The following BRAT1 variants were observed in gnomAD, a reference collection of about 807,000 sequenced individuals.
BRAT1 encodes BRCA1 associated ATM activator 1, also known as integrator complex assembly factor BRAT1.
BRAT1 carries 74 observed loss-of-function variants against 70.6 expected under a neutral mutation model. That is an observed-to-expected ratio of 1.05 (90% CI 0.87 to 1.27). The LOEUF is 1.27. Ranked by LOEUF, BRAT1 falls within the 50% of genes most tolerant of loss-of-function variation. BRAT1 has a pLI of 0.00. For missense variants in BRAT1, 1,203 were observed against 1,098.2 expected (o/e 1.10, Z -1.35); for synonymous variants, 615 against 517.1 (o/e 1.19, Z -2.57).
rs1263801761 is a variant in BRAT1 at position 2,543,293 on chromosome 7, G to A, written c.834C>T (p.Ser278=). ...RSPVFSSSDG[S]LWETVARALS... ...GAGCCCGCGCCACTGTCTCCCACAG[G>A]CTGCCGTCGGAAGAACTGAACACGG... The change falls in exon 6 of 14, where the codon AGC becomes AGT. Residue 278 remains serine (S), a synonymous_variant. Coordinates refer to ENST00000340611, the MANE Select transcript of BRAT1 (RefSeq NM_152743.4). The surrounding 1 kb of genome is among the most constrained non-coding windows in gnomAD (Gnocchi z 5.5). The A allele has an allele frequency of 1.2e-6, 2 of 1,608,710 alleles. No homozygotes were observed. The highest frequency in any genetic ancestry group is 3.4e-5 in the Admixed American group (2 of 59,376).
Position 2,552,808 on chromosome 7 carries a change from G to A in BRAT1, c.127+1497C>T, listed in dbSNP as rs867336514. Among the ~76,000 whole-genome samples the A allele has an allele frequency of 2.1e-4, 32 of 151,134 alleles. No homozygotes were observed. In the Middle Eastern group the frequency reaches 0.01, roughly 48 times the overall value. The stretch of plus-strand genomic sequence containing the variant: ...GGCTGCAGTGCAGTGGCGTGATCTC[G>A]GCTCACTGCAAGCTCTGCCTCCTGT... On this transcript the variant is annotated intron_variant, in intron 2 of 13. Coordinates refer to ENST00000340611, the MANE Select transcript of BRAT1 (RefSeq NM_152743.4).
intron 2 of BRAT1, among the ~76,000 whole-genome samples, chr7:2,547,839 G>A (rs568510297): frequency 3.9e-5 from 6 of 152,112 alleles, no homozygotes; most frequent in Admixed American, 1.3e-4. Context: ...ATCCCAACAC[G>A]TTAGGAGGCC....
chr7:2,546,217 G>T (rs1779597112), intron 3 of BRAT1, among the ~76,000 whole-genome samples: 1 of 152,170 alleles, frequency 6.6e-6, no homozygotes, highest in African/African-American at 2.4e-5. Flanking sequence ...GAGGCAGGAT[G>T]ATCGCTTGAG....
rs202073706 is a variant in BRAT1, at chr7:2,551,961, GA to G, written c.127+2343del. 5.7e-3 allele frequency among the ~76,000 whole-genome samples: 827 copies of G among 145,078 alleles called. 13 individuals carry two copies. Among genetic ancestry groups the G allele is most frequent in the African/African-American group, 0.019 (748 of 39,790 alleles). On this transcript the variant is annotated intron_variant, in intron 2 of 13. Coordinates refer to ENST00000340611, the MANE Select transcript of BRAT1 (RefSeq NM_152743.4). ...ATACTCTTTTAAGTAACTTGTGGGT[GA>G]AAAAAAAATTATAATGAAAAGCATA... is the stretch of plus-strand genomic sequence containing the variant.
At position 2,543,889 on chromosome 7, in the gene BRAT1, C is replaced by T. The variant is rs930233607; in HGVS notation, c.504G>A (p.Leu168=). 3 of 1,610,660 alleles carry T rather than the reference C, an allele frequency of 1.9e-6. No homozygotes were observed. The highest frequency in any genetic ancestry group is 2.7e-5 in the African/African-American group (2 of 74,868). The stretch of plus-strand genomic sequence containing the variant: ...GCATGGACAAAGCCAGGACGTGCAC[C>T]AGGAGCTGACTGGCCGCCGAGGCCA... ...LFVASAASQL[L]VHVLALSMRG... Residue 168 remains leucine, a synonymous_variant, in exon 5 of 14, where the codon CTG becomes CTA. Coordinates refer to ENST00000340611, the MANE Select transcript of BRAT1 (RefSeq NM_152743.4). This position sits in a 1 kb window ranked among gnomAD's most constrained non-coding sequence, Gnocchi z 5.5.
intron 4 of BRAT1, among the ~76,000 whole-genome samples, chr7:2,544,697 G>A (rs1246681193): frequency 1.3e-5 from 2 of 152,180 alleles, no homozygotes; most frequent in Non-Finnish European, 1.5e-5. Flanking sequence ...AGTCCTCACG[G>A]CTGATCTGTA....
At position 2,541,710 on chromosome 7, in the gene BRAT1, G is replaced by A. The variant is rs369079026; in HGVS notation, c.1134+8C>T. The A allele has an allele frequency of 4.5e-5, 72 of 1,602,772 alleles. No homozygotes were observed. The highest frequency in any genetic ancestry group is 1.5e-4 in the Admixed American group (9 of 58,504). On this transcript the variant is annotated splice_region_variant and intron_variant, in intron 8 of 13. Coordinates refer to ENST00000340611, the MANE Select transcript of BRAT1 (RefSeq NM_152743.4). ...TGCTGGGCTGCATGAGGACCGGGCC[G>A]CACCTACCAGCGGCTGCAGCTCCTC... is the stretch of plus-strand genomic sequence containing the variant.
rs1235750968 is a variant in BRAT1 at position 2,543,358 on chromosome 7, C to G, written c.804-35G>C. ...GACCCCAGAGAGAAAAATTACTCCC[C>G]CACCCTCAAAACCCCATTCGAGGCC... On this transcript the variant is annotated intron_variant, in intron 5 of 13. Coordinates refer to ENST00000340611, the MANE Select transcript of BRAT1 (RefSeq NM_152743.4). This position sits in a 1 kb window ranked among gnomAD's most constrained non-coding sequence, Gnocchi z 5.5. 1.9e-6 allele frequency: 3 copies of G among 1,549,444 alleles called. No homozygotes were observed. Among genetic ancestry groups the G allele is most frequent in the Non-Finnish European group, 2.6e-6 (3 of 1,146,936 alleles).
chr7:2,545,304 C>T (rs1197677658), intron 3 of BRAT1, among the ~76,000 whole-genome samples: 1 of 132,236 alleles, frequency 7.6e-6, no homozygotes, highest in Non-Finnish European at 1.5e-5. Context: ...GCGAAGGTTG[C>T]AGTGAGCCAA....
Position 2,541,557 on chromosome 7 carries a change from G to A in BRAT1, c.1135-73C>T, listed in dbSNP as rs946667610. The stretch of plus-strand genomic sequence containing the variant: ...GTGGATGCAGGGGTGCTGGGACTTC[G>A]AGGCATGTGGGGCGGGGGACATCAG... On this transcript the variant is annotated intron_variant, in intron 8 of 13. Transcript: ENST00000340611. 29 of 1,479,794 alleles carry A rather than the reference G, an allele frequency of 2.0e-5. No individual in the cohort carries two copies. In the South Asian group the frequency reaches 3.3e-4, roughly 17 times the overall value. 91.7% of individuals were successfully genotyped at this position (1,479,794 alleles called of 1,614,324 possible). A position where few individuals can be genotyped will look rare whatever the true frequency, so the allele number is the denominator to read the frequency against.
chr7:2,547,253 C>A, intron 3 of BRAT1, 71 bp downstream of exon 3: 1 of 1,571,540 alleles, frequency 6.4e-7, no homozygotes, highest in Non-Finnish European at 8.7e-7. Context: ...TACAAATGCC[C>A]CACCTGGCTG....
At chr7:2,546,566 C>T (rs891769913) in intron 3 of BRAT1, among the ~76,000 whole-genome samples, 15 of 152,088 alleles carry the variant, frequency 9.9e-5, no homozygotes, top group African/African-American at 3.6e-4. Context: ...GAAATCCTGT[C>T]TCTACTAAAA....
At position 2,543,562 on chromosome 7, in the gene BRAT1, C is replaced by T. The variant is rs77887835; in HGVS notation, c.803+28G>A. 0.04 allele frequency: 59,310 copies of T among 1,501,494 alleles called. 1,466 individuals carry two copies. Among genetic ancestry groups the T allele is most frequent in the South Asian group, 0.08 (5,877 of 73,630 alleles). 93.0% of individuals were successfully genotyped at this position (1,501,494 alleles called of 1,614,324 possible). ...CGAGGAAAACAGTTGCCCACCCAGG[C>T]CCCCCAGCTGCGTCCCGGGGCCCTG... On this transcript the variant is annotated intron_variant, in intron 5 of 13. Coordinates refer to ENST00000340611, the MANE Select transcript of BRAT1 (RefSeq NM_152743.4). This position sits in a 1 kb window ranked among gnomAD's most constrained non-coding sequence, Gnocchi z 5.5.
At chr7:2,540,923 G>A in intron 10 of BRAT1, 56 bp downstream of exon 10, 1 of 1,441,232 alleles carries the variant, frequency 6.9e-7, no homozygotes, top group Non-Finnish European at 9.1e-7. Flanking sequence ...AGTCAGGGGT[G>A]GGTCCCACTG....
At chr7:2,542,995 G>A in intron 6 of BRAT1, 1 of 495,860 alleles carries the variant, frequency 2.0e-6, no homozygotes, top group Non-Finnish European at 3.4e-6. Flanking sequence ...GGATCTCGCA[G>A]AGCTTTGGTC....
chr7:2,543,664 G>T lies in BRAT1; in HGVS notation c.729C>A (p.Arg243=). Residue 243 remains arginine (R), a synonymous_variant, in exon 5 of 14, where the codon CGC becomes CGA. Transcript: ENST00000340611. The surrounding 1 kb of genome is among the most constrained non-coding windows in gnomAD (Gnocchi z 5.5). ...TEALWVRLSP[R]VACLLERDPI... is the part of the protein sequence containing the mutation. ...GGTCTCTCTCCAGCAGACAGGCCAC[G>T]CGGGGACTCAGCCGCACCCACAGGG... is the stretch of plus-strand genomic sequence containing the variant. The T allele has an allele frequency of 6.4e-7, 1 of 1,558,920 alleles. No individual in the cohort carries two copies. Among genetic ancestry groups the T allele is most frequent in the Non-Finnish European group, 8.7e-7 (1 of 1,147,074 alleles).
chr7:2,551,718 A>G (rs763928994), intron 2 of BRAT1, among the ~76,000 whole-genome samples: 1 of 151,764 alleles, frequency 6.6e-6, no homozygotes, highest in Non-Finnish European at 1.5e-5. Context: ...TGACTACTAC[A>G]AACTAGGCCA....
chr7:2,539,391 C>G, intron 12 of BRAT1, 40 bp from the exon 13 acceptor site: 1 of 1,574,738 alleles, frequency 6.4e-7, no homozygotes, highest in Non-Finnish European at 8.7e-7. Flanking sequence ...TGACTGAGGG[C>G]CGAGCCTTGT....
chr7:2,540,983 G>A lies in BRAT1; in HGVS notation c.1391C>T (p.Pro464Leu), dbSNP rs143718509. Residue 464 changes from proline to leucine, a missense_variant, in exon 10 of 14, where the codon CCC becomes CTC. Pro to Leu is a moderately conservative substitution (Grantham distance 98). Transcript: ENST00000340611. ...TCTCTATCCCCACCACCGTACCGTGGGGCTGGAGCCGGGGCTCTCGAGGCA... is the reference window on the plus strand; with the variant it reads ...TCTCTATCCCCACCACCGTACCGTGAGGCTGGAGCCGGGGCTCTCGAGGCA... Reference protein sequence around the residue: ...LECLESPGSSPTVLKKAFQAT... With the variant: ...LECLESPGSSLTVLKKAFQAT... 3.9e-6 allele frequency: 6 copies of A among 1,549,890 alleles called. No homozygotes were observed. The highest frequency in any genetic ancestry group is 1.2e-5 in the South Asian group (1 of 80,272).
Sources: allele counts gnomAD v4.1 joint callset (sites outside exome capture counted in the v4.1 genomes callset), GRCh38; gene constraint gnomAD v4.1.1; non-coding constraint Gnocchi (gnomAD v3.1); transcripts MANE v1.5; gene names NCBI Gene and HGNC (gene_info 2026-07-23, HGNC 2026-07-21).